The following ARHGAP28 variants were observed in gnomAD, a reference collection of about 807,000 sequenced individuals.
ARHGAP28 encodes the protein Rho GTPase activating protein 28.
ARHGAP28 carries 56 observed loss-of-function variants against 90.7 expected under a neutral mutation model. The observed-to-expected ratio is 0.62, with a 90% confidence interval of 0.50 to 0.77. The LOEUF is 0.77. Ranked by LOEUF, ARHGAP28 falls within the 30% of genes least tolerant of loss-of-function variation. The probability of loss-of-function intolerance (pLI) is 0.00; values close to 1 mark genes in which losing one functional copy is unlikely to be tolerated. For missense variants in ARHGAP28, 869 were observed against 900.9 expected (o/e 0.96, Z 0.45); for synonymous variants, 308 against 323.3 (o/e 0.95, Z 0.51).
At chr18:6,761,066 A>G (rs2056155566) in intron 1 of ARHGAP28, among the ~76,000 whole-genome samples, 1 of 152,088 alleles carries the variant, frequency 6.6e-6, no homozygotes, top group Non-Finnish European at 1.5e-5. Flanking sequence ...ACAAAACAGC[A>G]TATATATTAT....
chr18:6,730,236 T>TATATATATATATATACAC (rs767639864), intron 1 of ARHGAP28: 2 of 198,686 alleles, frequency 1.0e-5, no homozygotes, highest in South Asian at 2.0e-4. Flanking sequence ...TATATATATA[T>TATATATATATATATACAC]ACCTCATTTC....
At position 6,854,329 on chromosome 18, in the gene ARHGAP28, T is replaced by C. The variant is rs2056935271; in HGVS notation, c.636+3203T>C. On this transcript the variant is annotated intron_variant, in intron 4 of 17. Transcript: ENST00000383472. ...TTTGTGTTTGTTCTCTCTGCAACTT[T>C]TTAAATTTTATAAGTTTTGAATTTA... 2.0e-5 allele frequency among the ~76,000 whole-genome samples: 3 copies of C among 152,198 alleles called. 1 individual carries two copies. The South Asian group carries it at 6.2e-4, about 31-fold the overall frequency.
intron 11 of ARHGAP28, among the ~76,000 whole-genome samples, chr18:6,884,778 T>C (rs2057207511): frequency 6.6e-6 from 1 of 152,198 alleles, no homozygotes; most frequent in Non-Finnish European, 1.5e-5. Context: ...GGATCACTCA[T>C]TTGTTTTTGT....
At chr18:6,825,025 C>G in intron 2 of ARHGAP28, 61 bp downstream of exon 2, 1 of 1,398,082 alleles carries the variant, frequency 7.2e-7, no homozygotes. Flanking sequence ...CCCTCTGTTA[C>G]TCTGTTCATA....
At position 6,909,941 on chromosome 18, in the gene ARHGAP28, C is replaced by T. The variant is rs142276182; in HGVS notation, c.2095+917C>T. On this transcript the variant is annotated intron_variant, in intron 17 of 17. Coordinates refer to ENST00000383472, the MANE Select transcript of ARHGAP28 (RefSeq NM_001366230.1). ...CATTTTAAAAATTGGCAATTTCCCT[C>T]ACCTTTATAAAATTATTTCTTCACC... 1.6e-3 allele frequency among the ~76,000 whole-genome samples: 237 copies of T among 152,254 alleles called. 1 individual carries two copies. The highest frequency in any genetic ancestry group is 5.6e-3 in the African/African-American group (231 of 41,548).
chr18:6,796,198 G>T (rs958584665), intron 1 of ARHGAP28, among the ~76,000 whole-genome samples: 27 of 152,214 alleles, frequency 1.8e-4, no homozygotes, highest in Admixed American at 1.8e-3. Flanking sequence ...TCGCTGAAAA[G>T]AAGTTGTCAA....
At chr18:6,733,408 C>T (rs2055899646) in intron 1 of ARHGAP28, among the ~76,000 whole-genome samples, 1 of 152,118 alleles carries the variant, frequency 6.6e-6, no homozygotes, top group African/African-American at 2.4e-5. Flanking sequence ...TTCCTTCCCA[C>T]ACCCCCCGTT....
Position 6,873,782 on chromosome 18 carries a change from AGCAG to A in ARHGAP28, c.1212+11_1212+14del. 1 of 1,611,638 alleles carries A rather than the reference AGCAG, an allele frequency of 6.2e-7. No individual in the cohort carries two copies. The highest frequency in any genetic ancestry group is 1.3e-5 in the African/African-American group (1 of 74,976). ...TCCCCTGGTATTACAAAAAGTGAGT[AGCAG>A]GCAAATGAAAGGGGAATTCACAGAG... On this transcript the variant is annotated splice_region_variant and intron_variant, in intron 9 of 17. Coordinates refer to ENST00000383472, the MANE Select transcript of ARHGAP28 (RefSeq NM_001366230.1).
chr18:6,753,934 A>G (rs1333860764), intron 1 of ARHGAP28, among the ~76,000 whole-genome samples: 1 of 152,228 alleles, frequency 6.6e-6, no homozygotes, highest in Non-Finnish European at 1.5e-5. Flanking sequence ...GATTTGCTCA[A>G]ATTCTGGTCT....
intron 1 of ARHGAP28, among the ~76,000 whole-genome samples, chr18:6,813,954 C>T (rs991913161): frequency 7.9e-5 from 12 of 152,074 alleles, no homozygotes; most frequent in Non-Finnish European, 2.9e-5. Context: ...TATGGCTTTC[C>T]AATTCAAAGC....
intron 1 of ARHGAP28, among the ~76,000 whole-genome samples, chr18:6,774,621 C>A (rs2056269289): frequency 6.6e-6 from 1 of 152,178 alleles, no homozygotes; most frequent in Non-Finnish European, 1.5e-5. Context: ...CCCAATCTTT[C>A]CAGTTAATTA....
intron 1 of ARHGAP28, among the ~76,000 whole-genome samples, chr18:6,753,750 A>G (rs1429099301): frequency 6.6e-6 from 1 of 152,204 alleles, no homozygotes; most frequent in African/African-American, 2.4e-5. Context: ...TAGCTACTGT[A>G]TGTTCCGATT....
At position 6,870,491 on chromosome 18, in the gene ARHGAP28, T is replaced by C. The variant is rs528222972; in HGVS notation, c.812-99T>C. ...GCATATAAACACTGTAACGTGCTTG[T>C]GGATTCACTTGTAAATATTTTGAAT... On this transcript the variant is annotated intron_variant, in intron 6 of 17. Transcript: ENST00000383472. 1.7e-5 allele frequency: 21 copies of C among 1,237,094 alleles called. No homozygotes were observed. In the East Asian group the frequency reaches 5.0e-4, roughly 29 times the overall value. 76.6% of individuals were successfully genotyped at this position (1,237,094 alleles called of 1,614,324 possible).
At position 6,860,035 on chromosome 18, in the gene ARHGAP28, G is replaced by T. The variant is rs2056985780; in HGVS notation, c.726+138G>T. The T allele has an allele frequency of 4.2e-6, 3 of 716,674 alleles. No homozygotes were observed. In the East Asian group the frequency reaches 7.9e-5, roughly 19 times the overall value. 44.4% of individuals were successfully genotyped at this position (716,674 alleles called of 1,614,324 possible). On this transcript the variant is annotated intron_variant, in intron 5 of 17. Coordinates refer to ENST00000383472, the MANE Select transcript of ARHGAP28 (RefSeq NM_001366230.1). ...CTAAGATTGCAAGGAAACCACAGCT[G>T]CTGGTAGAACTACTAACTTTGTAAA...
chr18:6,730,221 G>GTATGTATATATA (rs1555621918), intron 1 of ARHGAP28: 1 of 172,214 alleles, frequency 5.8e-6, no homozygotes, highest in African/African-American at 2.9e-5. Context: ...TAAGTCATGT[G>GTATGTATATATA]TATATATATA....
At chr18:6,901,672 C>G (rs2057339381) in intron 16 of ARHGAP28, among the ~76,000 whole-genome samples, 2 of 151,974 alleles carry the variant, frequency 1.3e-5, no homozygotes, top group Admixed American at 1.3e-4. Flanking sequence ...CTGAGCAGTA[C>G]TCCTTGAAAC....
At chr18:6,756,385 C>T (rs1448799420) in intron 1 of ARHGAP28, among the ~76,000 whole-genome samples, 2 of 152,064 alleles carry the variant, frequency 1.3e-5, no homozygotes, top group Non-Finnish European at 2.9e-5. Context: ...AATAACGTAT[C>T]AGAAAATATC....
chr18:6,782,590 GTATTTTTTTTTTTTTTTTTT>G (rs1479069644), intron 1 of ARHGAP28, among the ~76,000 whole-genome samples: 9 of 20,924 alleles, frequency 4.3e-4, no homozygotes, highest in Non-Finnish European at 8.6e-4. Context: ...GCTAATTTTT[GTATTTTTTTTTTTTTTTTTT>G]TTTTTTTTTT....
rs762311501 is a variant in ARHGAP28 at position 6,769,991 on chromosome 18, G to T, written c.122+40048G>T. Among the ~76,000 whole-genome samples the T allele has an allele frequency of 3.3e-5, 5 of 152,224 alleles. 1 individual carries two copies. The South Asian group carries it at 6.2e-4, about 19-fold the overall frequency. Reference sequence around the variant, plus strand: ...AATATTTTCCTTTCAAGGTAACTTCGTCTTATTTATTTTATTCCTAACAAA... The same window carrying T: ...AATATTTTCCTTTCAAGGTAACTTCTTCTTATTTATTTTATTCCTAACAAA... On this transcript the variant is annotated intron_variant, in intron 1 of 17. Coordinates refer to ENST00000383472, the MANE Select transcript of ARHGAP28 (RefSeq NM_001366230.1).
Sources: allele counts gnomAD v4.1 joint callset (sites outside exome capture counted in the v4.1 genomes callset), GRCh38; gene constraint gnomAD v4.1.1; transcripts MANE v1.5; gene names NCBI Gene and HGNC (gene_info 2026-07-23, HGNC 2026-07-21).